Variants in DNAH2 observed in about 807,000 individuals in gnomAD.
The protein encoded by DNAH2 is axonemal beta dynein heavy chain 2.
A neutral mutation model predicts 523.5 loss-of-function variants in DNAH2; 323 were observed. The observed-to-expected ratio is 0.62, with a 90% CI of 0.56 to 0.68. The LOEUF is 0.68. Among genes scored for constraint, DNAH2 ranks in the 30% least tolerant of loss-of-function variants. The pLI, the probability that DNAH2 is intolerant of heterozygous loss-of-function variation, is 0.00. For missense variants in DNAH2, 4,907 were observed against 5,701.5 expected (o/e 0.86, Z 4.49); for synonymous variants, 2,093 against 2,177.4 (o/e 0.96, Z 1.08).
chr17:7,778,203 G>A (rs1009539054), intron 34 of DNAH2, 23 bp downstream of exon 34: 4 of 1,614,176 alleles, frequency 2.5e-6, no homozygotes, highest in East Asian at 4.5e-5. Flanking sequence ...GGATGAATGA[G>A]GTGGCTGGGG....
At position 7,726,859 on chromosome 17, in the gene DNAH2, T is replaced by C. The variant is rs116508776; in HGVS notation, c.229-263T>C. ...TTAAAAACTACAGGCATAAAGATAA[T>C]CTCTTGCATTGGGTGGATAATATCC... is the stretch of plus-strand genomic sequence containing the variant. On this transcript the variant is annotated intron_variant, in intron 3 of 85. Coordinates refer to ENST00000572933, the MANE Select transcript of DNAH2 (RefSeq NM_020877.5). Among the ~76,000 whole-genome samples, 458 of 152,312 alleles carry C rather than the reference T, an allele frequency of 3.0e-3. 5 individuals carry two copies. The highest frequency in any genetic ancestry group is 0.011 in the African/African-American group (440 of 41,566).
chr17:7,766,551 C>T (rs904073954), intron 22 of DNAH2, 70 bp downstream of exon 22: 26 of 1,506,398 alleles, frequency 1.7e-5, no homozygotes, highest in African/African-American at 1.7e-4. Context: ...GGGTCCTTAG[C>T]GCCCACAAAG....
intron 52 of DNAH2, 27 bp from the exon 53 acceptor site, chr17:7,797,653 C>T (rs1179419581): frequency 1.2e-6 from 2 of 1,613,844 alleles, no homozygotes; most frequent in African/African-American, 2.7e-5. Flanking sequence ...GCATTTGTGA[C>T]TCTGATCCCC....
rs1319992154 is a variant in DNAH2, at chr17:7,734,617, T to G, written c.887T>G (p.Val296Gly). The G allele has an allele frequency of 1.2e-6, 2 of 1,613,160 alleles. No homozygotes were observed. The highest frequency in any genetic ancestry group is 1.7e-6 in the Non-Finnish European group (2 of 1,179,908). The change falls in exon 7 of 86, where the codon GTG (valine) becomes GGG (glycine). Residue 296 changes from valine to glycine, a missense_variant. Coordinates refer to ENST00000572933, the MANE Select transcript of DNAH2 (RefSeq NM_020877.5). Reference protein sequence around the residue: ...MDLSGISKQLVKKGVKHVESI... With the variant: ...MDLSGISKQLGKKGVKHVESI... The stretch of plus-strand genomic sequence containing the variant: ...CTGTCTGGCATCAGTAAGCAGCTGG[T>G]GAAGAAGGGAGTGAAGCACGTTGAA...
intron 78 of DNAH2, 64 bp downstream of exon 78, chr17:7,830,555 C>A (rs564214640): frequency 6.2e-6 from 10 of 1,604,864 alleles, no homozygotes; most frequent in Middle Eastern, 1.7e-4. Context: ...CCCATGGCTC[C>A]CCTGTGGGAA....
chr17:7,797,983 G>C (rs1236943797), intron 53 of DNAH2, among the ~76,000 whole-genome samples, 154 bp downstream of exon 53: 1 of 152,232 alleles, frequency 6.6e-6, no homozygotes, highest in Non-Finnish European at 1.5e-5. Context: ...GTGTTTAACA[G>C]AGAAGGTGGA....
intron 63 of DNAH2, among the ~76,000 whole-genome samples, chr17:7,815,639 C>T (rs987175296): frequency 1.2e-5 from 1 of 84,930 alleles, no homozygotes; most frequent in African/African-American, 3.3e-5. Flanking sequence ...TACGGGATCA[C>T]ACACACGTAT....
intron 44 of DNAH2, among the ~76,000 whole-genome samples, chr17:7,790,871 T>TTTG (rs141952195): frequency 6.6e-6 from 1 of 151,652 alleles, no homozygotes; most frequent in Non-Finnish European, 1.5e-5. Flanking sequence ...CATGCCTGGC[T>TTTG]TTGTTGTTGT....
rs2077770427 is a variant in DNAH2, at chr17:7,818,968, A to G, written c.10720A>G (p.Asn3574Asp). Residue 3574 changes from asparagine to aspartate, a missense_variant, in exon 71 of 86, where the codon AAC (asparagine) becomes GAC (aspartate). By Grantham distance (23) the Asn-to-Asp change is conservative. Coordinates refer to ENST00000572933, the MANE Select transcript of DNAH2 (RefSeq NM_020877.5). ...CCTGCTGGATGATGTGCAGCTGGTG[A>G]ACACGCTGCATACCTCCAAGATCAC... is the stretch of plus-strand genomic sequence containing the variant. ...GSLLDDVQLV[N>D]TLHTSKITAT... 4 of 1,612,312 alleles carry G rather than the reference A, an allele frequency of 2.5e-6. No individual in the cohort carries two copies. Among genetic ancestry groups the G allele is most frequent in the Non-Finnish European group, 3.4e-6 (4 of 1,179,928 alleles).
chr17:7,759,349 G>A (rs1002178511), intron 15 of DNAH2, 73 bp from the exon 16 acceptor site: 4 of 1,536,272 alleles, frequency 2.6e-6, no homozygotes, highest in Admixed American at 2.0e-5. Flanking sequence ...TTCCCTGTTG[G>A]CTGGTTCTCA....
rs773746364 is a variant in DNAH2 at position 7,830,784 on chromosome 17, C to T, written c.12172C>T (p.Leu4058=). 3 of 1,614,144 alleles carry T rather than the reference C, an allele frequency of 1.9e-6. No individual in the cohort carries two copies. Among genetic ancestry groups the T allele is most frequent in the South Asian group, 1.1e-5 (1 of 91,088 alleles). ...CACAGATGACTGGGACCGGCGCCTG[C>T]TGACCACCTACATCAATGATTATTT... ...HVTDDWDRRL[L]TTYINDYFCD... The change falls in exon 79 of 86, where the codon CTG becomes TTG. Residue 4058 remains leucine (L), a synonymous_variant. Transcript: ENST00000572933.
chr17:7,730,465 C>A (rs1345736866), intron 4 of DNAH2, among the ~76,000 whole-genome samples: 1 of 152,152 alleles, frequency 6.6e-6, no homozygotes, highest in Non-Finnish European at 1.5e-5. Context: ...CCCTGAAATG[C>A]AGAAGGAACT....
intron 20 of DNAH2, among the ~76,000 whole-genome samples, 187 bp downstream of exon 20, chr17:7,764,460 T>G (rs888495552): frequency 1.3e-5 from 2 of 151,138 alleles, no homozygotes; most frequent in African/African-American, 4.9e-5. Flanking sequence ...CCTCTTCTTC[T>G]TCCTCTTTTT....
chr17:7,776,636 C>T, intron 31 of DNAH2, 143 bp from the exon 32 acceptor site: 1 of 612,686 alleles, frequency 1.6e-6, no homozygotes, highest in South Asian at 1.8e-5. Flanking sequence ...AGCTCCTGAC[C>T]TGAGGCCCAT....
At chr17:7,779,499 C>G in intron 36 of DNAH2, 76 bp downstream of exon 36, 1 of 1,436,020 alleles carries the variant, frequency 7.0e-7, no homozygotes, top group Non-Finnish European at 9.5e-7. Context: ...GCGCATCCTC[C>G]TCTTCCCCCT....
intron 3 of DNAH2, among the ~76,000 whole-genome samples, chr17:7,725,425 A>ATATATATATATATATATATAT (rs2074767715): frequency 8.0e-6 from 1 of 124,960 alleles, no homozygotes; most frequent in Admixed American, 8.0e-5. Context: ...ACTTCAAGTG[A>ATATATATATATATATATATAT]ATATATATAT....
At chr17:7,817,764 A>C (rs981267123) in intron 66 of DNAH2, 26 bp from the exon 67 acceptor site, 1 of 1,613,696 alleles carries the variant, frequency 6.2e-7, no homozygotes, top group Admixed American at 1.7e-5. Context: ...AGAGGGCCTC[A>C]CCTCTGACCT....
chr17:7,744,227 G>A (rs886453748), intron 12 of DNAH2, among the ~76,000 whole-genome samples: 2 of 150,726 alleles, frequency 1.3e-5, no homozygotes, highest in Admixed American at 6.6e-5. Flanking sequence ...CCGGGAGGCG[G>A]AGGTTGCAGT....
chr17:7,740,387 A>G (rs2075275451), intron 9 of DNAH2, 33 bp from the exon 10 acceptor site: 2 of 1,612,112 alleles, frequency 1.2e-6, no homozygotes, highest in Admixed American at 1.7e-5. Context: ...AGGCGAGGGC[A>G]CTCAGCTGCC....
Sources: gnomAD v4.1 joint callset for allele counts (sites outside exome capture counted in the v4.1 genomes callset) on GRCh38, gnomAD v4.1.1 for gene constraint, MANE v1.5 for transcripts, NCBI Gene and HGNC (gene_info 2026-07-23, HGNC 2026-07-21) for gene names.